The following MCMDC2 variants were observed in gnomAD, a reference collection of about 807,000 sequenced individuals.
MCMDC2 encodes the protein minichromosome maintenance domain-containing protein 2.
In MCMDC2, 54 loss-of-function variants were observed where a neutral mutation model predicts 75.8. The ratio of observed to expected loss-of-function variants is 0.71; its 90% CI spans 0.57 to 0.89. The LOEUF (loss-of-function observed/expected upper bound fraction) is 0.89, where lower values mean the gene tolerates loss of function less well. Ranked by LOEUF, MCMDC2 falls within the 40% of genes least tolerant of loss-of-function variation. MCMDC2 has a pLI of 0.00. For missense variants in MCMDC2, 656 were observed against 780.4 expected (o/e 0.84, Z 1.90); for synonymous variants, 249 against 274.6 (o/e 0.91, Z 0.92).
At chr8:66,900,403 A>G (rs554150793) in intron 12 of MCMDC2, among the ~76,000 whole-genome samples, 1 of 152,174 alleles carries the variant, frequency 6.6e-6, no homozygotes, top group East Asian at 1.9e-4. Context: ...GCGCTATTGC[A>G]CTCCAGTTTG....
At chr8:66,913,871 G>T (rs1813205320) in intron 14 of MCMDC2, among the ~76,000 whole-genome samples, 1 of 151,232 alleles carries the variant, frequency 6.6e-6, no homozygotes, top group Non-Finnish European at 1.5e-5. Context: ...GGCTGAGGCA[G>T]GAGAATTGCT....
intron 1 of MCMDC2, among the ~76,000 whole-genome samples, chr8:66,871,096 C>T (rs1810993798): frequency 6.6e-6 from 1 of 152,202 alleles, no homozygotes; most frequent in Non-Finnish European, 1.5e-5. Flanking sequence ...TGTTCCCTCA[C>T]TTAACGCTTT....
chr8:66,922,334 GAA>G (rs1813578666), downstream of MCMDC2: 1 of 295,726 alleles, frequency 3.4e-6, no homozygotes, highest in Non-Finnish European at 6.8e-6. Context: ...TTGAGGTAAC[GAA>G]GCAGAAGTAT....
chr8:66,902,719 TATATATATATATATATATATATAC>T (rs1812749558), intron 13 of MCMDC2, among the ~76,000 whole-genome samples: 1 of 126,742 alleles, frequency 7.9e-6, no homozygotes, highest in Non-Finnish European at 1.6e-5. Context: ...AAAATATATA[TATATATATATATATATATATATAC>T]ATATATCTTT....
At chr8:66,925,847 C>T (rs538107503), downstream of MCMDC2, among the ~76,000 whole-genome samples, 9 of 152,248 alleles carry the variant, frequency 5.9e-5, no homozygotes, top group Admixed American at 4.6e-4. Flanking sequence ...TGCAAACGAG[C>T]AGAATATGCC....
At chr8:66,905,394 C>A in intron 14 of MCMDC2, 59 bp downstream of exon 14, 1 of 1,248,726 alleles carries the variant, frequency 8.0e-7, no homozygotes, top group East Asian at 3.1e-5. Flanking sequence ...CTTAAATATT[C>A]TTAGTTGGTT....
intron 4 of MCMDC2, among the ~76,000 whole-genome samples, 154 bp from the exon 5 acceptor site, chr8:66,877,195 A>G (rs1811330785): frequency 6.6e-6 from 1 of 152,166 alleles, no homozygotes; most frequent in African/African-American, 2.4e-5. Flanking sequence ...TTAATTTTAT[A>G]CTTGAATGTT....
At chr8:66,922,583 C>T (rs750298784), downstream of MCMDC2, 17 of 515,348 alleles carry the variant, frequency 3.3e-5, no homozygotes, top group East Asian at 9.3e-4. Context: ...AAGAATACAT[C>T]ACATAACTAA....
At chr8:66,906,604 C>A (rs1298069343) in intron 14 of MCMDC2, among the ~76,000 whole-genome samples, 3 of 151,744 alleles carry the variant, frequency 2.0e-5, no homozygotes, top group African/African-American at 4.8e-5. Flanking sequence ...AGATTTATGG[C>A]CCCTAAAAGA....
In MCMDC2 at chr8:66,919,070, A is replaced by G; in HGVS notation, c.1947A>G (p.Leu649=). 1 of 1,550,736 alleles carries G rather than the reference A, an allele frequency of 6.4e-7. No homozygotes were observed. The highest frequency in any genetic ancestry group is 8.7e-7 in the Non-Finnish European group (1 of 1,146,496). ...TTGAACTGTATAATGAAGAATACTT[A>G]GAGCAAAGGGATCTCTATCTGACTC... ...FPFELYNEEY[L]EQRDLYLTQC... Residue 649 remains leucine, a synonymous_variant, in exon 15 of 15, where the codon TTA becomes TTG. Transcript: ENST00000422365.
At chr8:66,905,100 T>G (rs1037459030) in intron 13 of MCMDC2, 126 bp from the exon 14 acceptor site, 1 of 716,198 alleles carries the variant, frequency 1.4e-6, no homozygotes, top group Non-Finnish European at 1.9e-6. Context: ...ACTAAAAATT[T>G]TTTTAAAGTA....
downstream of MCMDC2, among the ~76,000 whole-genome samples, chr8:66,924,537 A>C (rs548300809): frequency 2.6e-4 from 39 of 151,424 alleles, no homozygotes; most frequent in South Asian, 8.2e-3. Context: ...CGGGAGGCTG[A>C]GGCAGAGAAC....
At chr8:66,909,630 C>T (rs1813030065) in intron 14 of MCMDC2, among the ~76,000 whole-genome samples, 2 of 152,104 alleles carry the variant, frequency 1.3e-5, no homozygotes, top group Admixed American at 6.6e-5. Flanking sequence ...TGCTTCTGCC[C>T]TAGAGATCTG....
chr8:66,902,741 T>TATATATATATATAC (rs1290006413), intron 13 of MCMDC2, among the ~76,000 whole-genome samples: 3 of 133,112 alleles, frequency 2.3e-5, no homozygotes, highest in African/African-American at 8.4e-5. Flanking sequence ...TATATATATA[T>TATATATATATATAC]ACATATATCT....
chr8:66,872,705 C>T (rs999954666), intron 1 of MCMDC2, among the ~76,000 whole-genome samples: 2 of 152,072 alleles, frequency 1.3e-5, no homozygotes, highest in Non-Finnish European at 2.9e-5. Flanking sequence ...CGCCTGTAAT[C>T]CCAGCACTTT....
At chr8:66,899,102 G>T (rs1383413285) in intron 12 of MCMDC2, among the ~76,000 whole-genome samples, 1 of 152,236 alleles carries the variant, frequency 6.6e-6, no homozygotes, top group Non-Finnish European at 1.5e-5. Flanking sequence ...AATCAAAGTG[G>T]ATGGAATTTG....
chr8:66,891,021 A>G lies in MCMDC2; in HGVS notation c.1230A>G (p.Ile410Met). ...TAGCTAAAGGTGGTATCTGCTTTAT[A>G]GGAGACTTGGCTTCACACAAAAAAG... is the stretch of plus-strand genomic sequence containing the variant. ...ALLAKGGICF[I>M]GDLASHKKDK... is the part of the protein sequence containing the mutation. The change falls in exon 10 of 15, where the codon ATA becomes ATG. Residue 410 changes from isoleucine (I) to methionine (M), a missense_variant. Transcript: ENST00000422365. 1 of 1,597,876 alleles carries G rather than the reference A, an allele frequency of 6.3e-7. No homozygotes were observed. Among genetic ancestry groups the G allele is most frequent in the South Asian group, 1.2e-5 (1 of 86,758 alleles).
At chr8:66,883,522 G>C (rs566471892) in intron 8 of MCMDC2, among the ~76,000 whole-genome samples, 1 of 151,980 alleles carries the variant, frequency 6.6e-6, no homozygotes, top group African/African-American at 2.4e-5. Flanking sequence ...GGCCAAGCAC[G>C]GTGGCTCAGG....
At chr8:66,902,671 C>A (rs12542513) in intron 13 of MCMDC2, among the ~76,000 whole-genome samples, 1 of 106,770 alleles carries the variant, frequency 9.4e-6, no homozygotes, top group Non-Finnish European at 1.7e-5. Flanking sequence ...TCCAGCCTGG[C>A]GACAGAGCAA....
Sources: gnomAD v4.1 joint callset for allele counts (sites outside exome capture counted in the v4.1 genomes callset) on GRCh38, gnomAD v4.1.1 for gene constraint, MANE v1.5 for transcripts, NCBI Gene and HGNC (gene_info 2026-07-23, HGNC 2026-07-21) for gene names.